The following RPS8 variants were observed in gnomAD, a reference collection of about 807,000 sequenced individuals.
RPS8 encodes small ribosomal subunit protein eS8.
For synonymous variants in RPS8, 100 were observed against 100.7 expected (o/e 0.99, Z 0.04); for missense variants, 141 against 269.7 (o/e 0.52, Z 3.34).
chr1:44,778,689 C>T lies in RPS8; in HGVS notation c.*4C>T, dbSNP rs753346200. 2 of 1,572,822 alleles carry T rather than the reference C, an allele frequency of 1.3e-6. No homozygotes were observed. The highest frequency in any genetic ancestry group is 1.7e-6 in the Non-Finnish European group (2 of 1,147,214). ...CAAGGCCCGCAAAGGCAAATAAATC[C>T]TTGTTTTGTCTTCACCCATGTAATA... On this transcript the variant is annotated 3_prime_UTR_variant, in exon 6 of 6. Transcript: ENST00000396651.
intron 2 of RPS8, 29 bp downstream of exon 2, chr1:44,776,169 G>C: frequency 6.6e-7 from 1 of 1,516,296 alleles, no homozygotes; most frequent in Non-Finnish European, 8.9e-7. Context: ...CTGTCCGCCT[G>C]GGAGGTCGCC....
chr1:44,776,366 T>C, intron 2 of RPS8: 1 of 691,322 alleles, frequency 1.4e-6, no homozygotes, highest in Non-Finnish European at 2.6e-6. Flanking sequence ...GAGAGAAGGA[T>C]ACTGTGTGGG....
chr1:44,775,675 C>G, intron 1 of RPS8, 75 bp downstream of exon 1: 2 of 1,586,702 alleles, frequency 1.3e-6, no homozygotes, highest in Non-Finnish European at 1.7e-6. Context: ...TCACAGCCTA[C>G]TGAGGAGTCC....
In RPS8 at chr1:44,778,043, A is replaced by C; in HGVS notation, c.431A>C (p.Lys144Thr). ...EEILNKKRSK[K>T]IQKKYDERKK... ...ATTTTAAACAAAAAACGATCTAAAA[A>C]AATTCAGAAGAAATATGATGAAAGG... is the stretch of plus-strand genomic sequence containing the variant. Residue 144 changes from lysine (K) to threonine (T), a missense_variant, in exon 5 of 6, where the codon AAA becomes ACA. Transcript: ENST00000396651. The C allele has an allele frequency of 6.2e-7, 1 of 1,613,784 alleles. No individual in the cohort carries two copies. Among genetic ancestry groups the C allele is most frequent in the Non-Finnish European group, 8.5e-7 (1 of 1,179,792 alleles).
At chr1:44,776,626 T>A (rs1345268933) in intron 2 of RPS8, 49 bp from the exon 3 acceptor site, 2 of 1,530,638 alleles carry the variant, frequency 1.3e-6, no homozygotes, top group East Asian at 4.5e-5. Flanking sequence ...CTCCCTCACT[T>A]GCCTTGCTCT....
Position 44,776,849 on chromosome 1 carries a change from C to G in RPS8, c.211+75C>G, listed in dbSNP as rs369704013. ...TAAGATTCACCAAGTGGGCCTGGCG[C>G]GGTGGCTCACGCCTATAAGCCCAGC... On this transcript the variant is annotated intron_variant, in intron 3 of 5. Transcript: ENST00000396651. The G allele has an allele frequency of 2.9e-5, 32 of 1,120,056 alleles. No homozygotes were observed. The African/African-American group carries it at 3.6e-4, about 13-fold the overall frequency. The allele number at this position is 1,120,056 out of a possible 1,614,324, so 69.4% of individuals were successfully genotyped here. A position where few individuals can be genotyped will look rare whatever the true frequency, so the allele number is the denominator to read the frequency against.
Position 44,778,626 on chromosome 1 carries a change from C to G in RPS8, c.568C>G (p.Leu190Val). The G allele has an allele frequency of 6.2e-7, 1 of 1,613,672 alleles. No homozygotes were observed. Residue 190 changes from leucine (L) to valine (V), a missense_variant, in exon 6 of 6, where the codon CTA (leucine) becomes GTA (valine). By Grantham distance (32) the Leu-to-Val change is conservative. Transcript: ENST00000396651. Reference sequence around the variant, plus strand: ...GTGTGGCCGAGCAGATGGCTATGTGCTAGAGGGCAAAGAGTTGGAGTTCTA... The same window carrying G: ...GTGTGGCCGAGCAGATGGCTATGTGGTAGAGGGCAAAGAGTTGGAGTTCTA... ...GQCGRADGYV[L>V]EGKELEFYLR...
rs1182514726 is a variant in RPS8, at chr1:44,776,163, C to G, written c.111+23C>G. The G allele has an allele frequency of 1.9e-6, 3 of 1,541,890 alleles. No individual in the cohort carries two copies. The African/African-American group carries it at 4.2e-5, about 21-fold the overall frequency. On this transcript the variant is annotated intron_variant, in intron 2 of 5. Coordinates refer to ENST00000396651, the MANE Select transcript of RPS8 (RefSeq NM_001012.2). ...AAGGTGGGTGCGAGCGTGGGCCTGT[C>G]CGCCTGGGAGGTCGCCTTCCCCCGC...
chr1:44,777,002 C>A lies in RPS8; in HGVS notation c.211+228C>A, dbSNP rs1650879432. On this transcript the variant is annotated intron_variant, in intron 3 of 5. Coordinates refer to ENST00000396651, the MANE Select transcript of RPS8 (RefSeq NM_001012.2). ...TTAGCAAGTAGTCTGTGGCTTAGAC[C>A]AAGGCATTTGAAGTTTCTCCTTGCT... 4.0e-5 allele frequency: 18 copies of A among 449,376 alleles called. No individual in the cohort carries two copies. The South Asian group carries it at 5.3e-4, about 13-fold the overall frequency. The allele number at this position is 449,376 out of a possible 1,614,324, so 27.8% of individuals were successfully genotyped here.
chr1:44,777,814 T>G (rs1259970377), intron 4 of RPS8, 25 bp downstream of exon 4: 1 of 1,612,436 alleles, frequency 6.2e-7, no homozygotes, highest in Admixed American at 1.7e-5. Flanking sequence ...CCTGTAGGGG[T>G]TGTGGGGAGG....
At chr1:44,778,353 G>C in intron 5 of RPS8, 1 of 814,302 alleles carries the variant, frequency 1.2e-6, no homozygotes, top group Non-Finnish European at 2.2e-6. Context: ...TGGAGTCTTT[G>C]TATTTGGGGA....
rs776766982 is a variant in RPS8 at position 44,778,577 on chromosome 1, G to C, written c.519G>C (p.Ala173=). The stretch of plus-strand genomic sequence containing the variant: ...TAAGGATCACCTACTCTCTTGCAGC[G>C]TGCATCGCTTCAAGGCCGGGACAGT... ...EEQFQQGKLL[A]CIASRPGQCG... Residue 173 remains alanine, a splice_region_variant and synonymous_variant, in exon 6 of 6, where the codon GCG becomes GCC. Transcript: ENST00000396651. 1 of 1,612,838 alleles carries C rather than the reference G, an allele frequency of 6.2e-7. No homozygotes were observed. The highest frequency in any genetic ancestry group is 1.7e-5 in the Admixed American group (1 of 59,964).
In RPS8 at chr1:44,776,710, G is replaced by T; in HGVS notation, c.147G>T (p.Arg49=). 1 of 1,613,904 alleles carries T rather than the reference G, an allele frequency of 6.2e-7. No individual in the cohort carries two copies. The highest frequency in any genetic ancestry group is 8.5e-7 in the Non-Finnish European group (1 of 1,179,960). ...GCCGCATCCACACAGTCCGTGTGCGGGGAGGTAACAAGAAATACCGTGCCC... is the reference window on the plus strand; with the variant it reads ...GCCGCATCCACACAGTCCGTGTGCGTGGAGGTAACAAGAAATACCGTGCCC... ...GPRRIHTVRV[R]GGNKKYRALR... The change falls in exon 3 of 6, where the codon CGG becomes CGT. Residue 49 remains arginine, a synonymous_variant. Transcript: ENST00000396651.
intron 4 of RPS8, 94 bp downstream of exon 4, chr1:44,777,883 A>G (rs748138068): frequency 1.3e-6 from 2 of 1,572,876 alleles, no homozygotes; most frequent in South Asian, 1.1e-5. Context: ...TACTGAAGGG[A>G]GAGAGATGAG....
chr1:44,778,225 C>T (rs1650928952), intron 5 of RPS8, 96 bp downstream of exon 5: 2 of 1,462,176 alleles, frequency 1.4e-6, no homozygotes, highest in Non-Finnish European at 1.9e-6. Context: ...GCCAGCCATG[C>T]AGTCTAAAGG....
At chr1:44,778,386 G>A (rs919462844) in intron 5 of RPS8, 190 bp from the exon 6 acceptor site, 4 of 801,874 alleles carry the variant, frequency 5.0e-6, no homozygotes, top group Admixed American at 1.7e-5. Context: ...GGCTGAGGGG[G>A]CTGTCTCAGT....
chr1:44,776,521 T>G, intron 2 of RPS8, 154 bp from the exon 3 acceptor site: 1 of 777,450 alleles, frequency 1.3e-6, no homozygotes, highest in Non-Finnish European at 2.3e-6. Context: ...TCCTTAGGCG[T>G]GGTTGTGGCC....
At chr1:44,778,254 G>A (rs1650929712) in intron 5 of RPS8, 125 bp downstream of exon 5, 1 of 1,241,108 alleles carries the variant, frequency 8.1e-7, no homozygotes. Flanking sequence ...ATAACAGGCT[G>A]CGAGCACAAA....
intron 1 of RPS8, 44 bp from the exon 2 acceptor site, chr1:44,775,990 C>A: frequency 6.3e-7 from 1 of 1,575,234 alleles, no homozygotes; most frequent in Non-Finnish European, 8.7e-7. Context: ...TCGCTAGCAC[C>A]GAGTCACAGT....
Sources: allele counts gnomAD v4.1 joint callset, GRCh38; gene constraint gnomAD v4.1.1; transcripts MANE v1.5; gene names NCBI Gene and HGNC (gene_info 2026-07-23, HGNC 2026-07-21).